Variants in LMLN observed in about 807,000 individuals in gnomAD.
LMLN encodes the protein leishmanolysin like peptidase.
In LMLN, 70 loss-of-function variants were observed where a neutral mutation model predicts 92.3. That is an observed-to-expected ratio of 0.76 (90% CI 0.63 to 0.92). LMLN has a LOEUF of 0.92. LMLN is among the 40% of genes least tolerant of loss of function. LMLN has a pLI of 0.00. For missense variants in LMLN, 691 were observed against 814.6 expected (o/e 0.85, Z 1.85); for synonymous variants, 308 against 296.2 (o/e 1.04, Z -0.41).
intron 13 of LMLN, among the ~76,000 whole-genome samples, chr3:198,024,279 A>G (rs113547285): frequency 0.088 from 13,117 of 148,382 alleles, 700 homozygotes; most frequent in African/African-American, 0.15. Context: ...GCAGTGGTAC[A>G]ATCTCGGCTC....
At chr3:198,035,724 T>G in intron 14 of LMLN, 109 bp from the exon 16 acceptor site, 1 of 888,828 alleles carries the variant, frequency 1.1e-6, no homozygotes, top group Non-Finnish European at 1.7e-6. Context: ...ATAGCCAATG[T>G]TTTTAGTAAG....
At chr3:198,014,508 A>G (rs1159100297) in intron 11 of LMLN, among the ~76,000 whole-genome samples, 5 of 107,050 alleles carry the variant, frequency 4.7e-5, no homozygotes, top group Non-Finnish European at 7.6e-5. Flanking sequence ...CACCCTTCAG[A>G]GCCCCCTAAC....
intron 13 of LMLN, among the ~76,000 whole-genome samples, chr3:198,024,272 G>A (rs536228273): frequency 4.7e-5 from 7 of 147,628 alleles, no homozygotes; most frequent in African/African-American, 1.5e-4. Flanking sequence ...CTGGAGTGCA[G>A]TGGTACAATC....
At chr3:197,979,188 A>G (rs1721486055) in intron 5 of LMLN, among the ~76,000 whole-genome samples, 1 of 152,236 alleles carries the variant, frequency 6.6e-6, no homozygotes, top group Non-Finnish European at 1.5e-5. Context: ...TGCATGTGTT[A>G]GAGAAGGAAG....
Position 198,019,537 on chromosome 3 carries a change from C to T in LMLN, c.1365+152C>T. The T allele has an allele frequency of 1.4e-6, 1 of 726,548 alleles. No homozygotes were observed. Among genetic ancestry groups the T allele is most frequent in the Non-Finnish European group, 2.1e-6 (1 of 465,758 alleles). 45.0% of individuals were successfully genotyped at this position (726,548 alleles called of 1,614,324 possible). A position where few individuals can be genotyped will look rare whatever the true frequency, so the allele number is the denominator to read the frequency against. ...AAAAAATGGAATAATGCTTCCATTTCTTTAAAACTAATGTCCTAATTGATA... is the reference window on the plus strand; with the variant it reads ...AAAAAATGGAATAATGCTTCCATTTTTTTAAAACTAATGTCCTAATTGATA... On this transcript the variant is annotated intron_variant, in intron 12 of 15. Transcript: ENST00000330198. The surrounding 1 kb of genome is among the most constrained non-coding windows in gnomAD (Gnocchi z 5.5).
intron 8 of LMLN, 80 bp downstream of exon 8, chr3:197,985,970 A>G (rs1721695096): frequency 2.4e-6 from 2 of 835,294 alleles, no homozygotes; most frequent in Admixed American, 4.4e-5. Context: ...AGTATATTAG[A>G]TGCCATAAAT....
intron 3 of LMLN, among the ~76,000 whole-genome samples, chr3:197,975,511 GCA>G (rs958468268): frequency 6.1e-5 from 9 of 147,706 alleles, no homozygotes; most frequent in Non-Finnish European, 1.2e-4. Flanking sequence ...GCACGTGCAC[GCA>G]CACACATGCG....
chr3:197,983,955 A>C, exon 7 of LMLN: 1 of 1,608,560 alleles, frequency 6.2e-7, no homozygotes, highest in Non-Finnish European at 8.5e-7. Context: ...CAATAGCAGG[A>C]TATGCTAACC....
exon 16 of LMLN, chr3:198,043,300 A>G (rs1008879606): frequency 2.0e-5 from 3 of 152,526 alleles, no homozygotes; most frequent in African/African-American, 4.8e-5. Flanking sequence ...TGCTGTGTCC[A>G]TCACAGTGTC....
chr3:197,995,320 ATAGT>A (rs369016175), intron 9 of LMLN, among the ~76,000 whole-genome samples: 59 of 152,318 alleles, frequency 3.9e-4, no homozygotes, highest in African/African-American at 1.4e-3. Context: ...TAGGCTATTA[ATAGT>A]TAAGTTATGG....
At chr3:198,030,383 A>G (rs929867028) in intron 14 of LMLN, among the ~76,000 whole-genome samples, 1 of 152,144 alleles carries the variant, frequency 6.6e-6, no homozygotes, top group Non-Finnish European at 1.5e-5. Context: ...GGTAGCATGC[A>G]ATCATTACTT....
intron 8 of LMLN, among the ~76,000 whole-genome samples, chr3:197,990,030 A>G (rs1721820882): frequency 6.6e-6 from 1 of 151,410 alleles, no homozygotes; most frequent in African/African-American, 2.4e-5. Flanking sequence ...ACACACTACC[A>G]TGCCTGGCTT....
intron 1 of LMLN, among the ~76,000 whole-genome samples, chr3:197,972,298 A>C (rs1421537341): frequency 6.6e-6 from 1 of 152,060 alleles, no homozygotes; most frequent in Non-Finnish European, 1.5e-5. Context: ...TCCTGACCTC[A>C]AGTGATCCAC....
chr3:198,038,849 A>G, exon 16 of LMLN: 1 of 510,994 alleles, frequency 2.0e-6, no homozygotes. Flanking sequence ...CTCATCAGCA[A>G]CCCAACCACC....
chr3:197,965,765 T>C (rs575033834), intron 1 of LMLN, among the ~76,000 whole-genome samples: 1 of 152,188 alleles, frequency 6.6e-6, no homozygotes, highest in East Asian at 1.9e-4. Context: ...AATACAAAAA[T>C]TAGTTGGGTG....
intron 14 of LMLN, among the ~76,000 whole-genome samples, chr3:198,029,410 C>G (rs1723018403): frequency 6.6e-6 from 1 of 152,218 alleles, no homozygotes; most frequent in Admixed American, 6.5e-5. Context: ...GGCGCTGTGA[C>G]TCATGCCTGT....
At chr3:197,985,103 A>G (rs1204334358) in intron 7 of LMLN, among the ~76,000 whole-genome samples, 1 of 152,220 alleles carries the variant, frequency 6.6e-6, no homozygotes, top group Non-Finnish European at 1.5e-5. Context: ...TGTTTATTTG[A>G]ACACATACGA....
chr3:197,967,795 G>A (rs1050866026), intron 1 of LMLN, among the ~76,000 whole-genome samples: 2 of 152,136 alleles, frequency 1.3e-5, no homozygotes, highest in Non-Finnish European at 2.9e-5. Context: ...GACACTTCCA[G>A]AGTGGCCATT....
chr3:197,977,071 C>T (rs1408844509), intron 5 of LMLN, among the ~76,000 whole-genome samples: 2 of 152,124 alleles, frequency 1.3e-5, no homozygotes, highest in Non-Finnish European at 2.9e-5. Flanking sequence ...TGCCTCAACC[C>T]AACCTAGAAA....
Sources: gnomAD v4.1 joint callset for allele counts (sites outside exome capture counted in the v4.1 genomes callset) on GRCh38, gnomAD v4.1.1 for gene constraint, Gnocchi (gnomAD v3.1) non-coding constraint, MANE v1.5 for transcripts, NCBI Gene and HGNC (gene_info 2026-07-23, HGNC 2026-07-21) for gene names.